PLAAT2: variants seen among roughly 807,000 people sequenced by gnomAD.
The protein encoded by PLAAT2 is HRAS like suppressor 2.
In PLAAT2, 12 loss-of-function variants were observed where a neutral mutation model predicts 12.8. The ratio of observed to expected loss-of-function variants is 0.94; its 90% CI spans 0.60 to 1.52. PLAAT2 has a LOEUF of 1.52. Among genes scored for constraint, PLAAT2 ranks in the 40% most tolerant of loss-of-function variants. The pLI is 0.00. For missense variants in PLAAT2, 166 were observed against 208.1 expected (o/e 0.80, Z 1.24); for synonymous variants, 79 against 86.8 (o/e 0.91, Z 0.50).
upstream of PLAAT2, among the ~76,000 whole-genome samples, chr11:63,563,997 A>G (rs928904168): frequency 9.9e-5 from 15 of 152,166 alleles, no homozygotes; most frequent in Admixed American, 3.3e-4. Flanking sequence ...GAAAATTTCA[A>G]AAAGGAGAGA....
chr11:63,563,285 C>G (rs1390205150), intron 1 of PLAAT2, 31 bp downstream of exon 1: 1 of 1,613,774 alleles, frequency 6.2e-7, no homozygotes, highest in Non-Finnish European at 8.5e-7. Flanking sequence ...TTCCTCAAAT[C>G]AAAGCTTTAA....
chr11:63,559,939 T>C (rs886411643), intron 2 of PLAAT2, 146 bp downstream of exon 2: 9 of 586,630 alleles, frequency 1.5e-5, no homozygotes, highest in Middle Eastern at 2.8e-4. Context: ...AGTTGCTACA[T>C]CTAGCAGGAA....
intron 2 of PLAAT2, among the ~76,000 whole-genome samples, chr11:63,559,470 C>T (rs191632123): frequency 2.6e-5 from 4 of 152,158 alleles, no homozygotes; most frequent in Admixed American, 6.5e-5. Context: ...GGCTCTCTTA[C>T]TGTGTGTCTT....
chr11:63,558,404 G>C lies in PLAAT2; in HGVS notation c.375C>G (p.Ser125=). The C allele has an allele frequency of 6.2e-7, 1 of 1,614,156 alleles. No individual in the cohort carries two copies. The highest frequency in any genetic ancestry group is 8.5e-7 in the Non-Finnish European group (1 of 1,180,006). Residue 125 remains serine (S), a synonymous_variant, in exon 3 of 4, where the codon TCC becomes TCG. Transcript: ENST00000255695. ...HFVNHLRYGV[S]RSDQVTGAVT... is the part of the protein sequence containing the mutation. ...GCTGAAGATGCACCTGGTCACTGCGGGAGACGCCATAGCGCAGATGGTTCA... is the reference window on the plus strand; with the variant it reads ...GCTGAAGATGCACCTGGTCACTGCGCGAGACGCCATAGCGCAGATGGTTCA...
Position 63,554,470 on chromosome 11 carries a change from T to TA in PLAAT2, c.388-1406dup, listed in dbSNP as rs199986877. On this transcript the variant is annotated intron_variant, in intron 3 of 3. Coordinates refer to ENST00000255695, the MANE Select transcript of PLAAT2 (RefSeq NM_017878.2). ...AACATGGTGAGACCCCCGTCTCCAC[T>TA]AAAAAAAATTAGCCAGGCATGGTGG... 2.7e-3 allele frequency among the ~76,000 whole-genome samples: 406 copies of TA among 151,372 alleles called. 1 individual carries two copies. Among genetic ancestry groups the TA allele is most frequent in the African/African-American group, 9.4e-3 (389 of 41,262 alleles).
chr11:63,557,300 G>T (rs904833936), intron 3 of PLAAT2, among the ~76,000 whole-genome samples: 3 of 152,096 alleles, frequency 2.0e-5, no homozygotes, highest in Non-Finnish European at 4.4e-5. Context: ...CCGAGTCAAG[G>T]GGATTGCTTG....
chr11:63,563,179 G>C (rs2017533562), intron 1 of PLAAT2, 137 bp downstream of exon 1: 2 of 985,440 alleles, frequency 2.0e-6, no homozygotes, highest in Non-Finnish European at 3.1e-6. Context: ...GTCTGAGAGA[G>C]CCAGACCCCC....
chr11:63,555,035 C>G (rs940285460), intron 3 of PLAAT2, among the ~76,000 whole-genome samples: 1 of 152,090 alleles, frequency 6.6e-6, no homozygotes, highest in South Asian at 2.1e-4. Context: ...GACGGGTGAG[C>G]GAGGGCTCAT....
At chr11:63,560,479 C>T (rs985998570) in intron 1 of PLAAT2, among the ~76,000 whole-genome samples, 2 of 152,154 alleles carry the variant, frequency 1.3e-5, no homozygotes, top group African/African-American at 2.4e-5. Context: ...GTGATGTGCC[C>T]AGGCTGAGTG....
intron 1 of PLAAT2, among the ~76,000 whole-genome samples, chr11:63,561,425 C>T (rs2017517273): frequency 6.6e-6 from 1 of 151,998 alleles, no homozygotes; most frequent in South Asian, 2.1e-4. Context: ...GGGTGGATTG[C>T]CTGAGGTCAG....
chr11:63,553,059 C>A lies in PLAAT2; in HGVS notation c.394G>T (p.Gly132Cys), dbSNP rs1424660553. ...YGVSRSDQVTGAVTTVGVAAG... is the reference protein window; with the variant it reads ...YGVSRSDQVTCAVTTVGVAAG... ...GCCACACCTACTGTCGTGACTGCAC[C>A]AGTGACCTGCAGCAGAAGAGAAGGG... Residue 132 changes from glycine (G) to cysteine (C), a missense_variant, in exon 4 of 4, where the codon GGT becomes TGT. Gly to Cys is a radical substitution (Grantham distance 159). Transcript: ENST00000255695. The A allele has an allele frequency of 1.4e-5, 22 of 1,609,830 alleles. No individual in the cohort carries two copies. The highest frequency in any genetic ancestry group is 1.8e-5 in the Non-Finnish European group (21 of 1,176,682).
intron 3 of PLAAT2, among the ~76,000 whole-genome samples, chr11:63,554,153 G>T (rs1243274908): frequency 8.0e-6 from 1 of 124,474 alleles, no homozygotes. Context: ...GAGCGACTGG[G>T]GGAAACAACA....
chr11:63,562,868 C>A (rs2017530746), intron 1 of PLAAT2, among the ~76,000 whole-genome samples: 2 of 152,162 alleles, frequency 1.3e-5, no homozygotes, highest in East Asian at 1.9e-4. Flanking sequence ...TTTCTGACAG[C>A]CCCCATTGCC....
At chr11:63,557,996 C>A (rs2017480736) in intron 3 of PLAAT2, among the ~76,000 whole-genome samples, 1 of 152,184 alleles carries the variant, frequency 6.6e-6, no homozygotes, top group African/African-American at 2.4e-5. Flanking sequence ...TTAACTCCCC[C>A]GCTCTTCACC....
intron 2 of PLAAT2, 108 bp from the exon 3 acceptor site, chr11:63,558,768 G>A (rs893564378): frequency 7.4e-7 from 1 of 1,352,276 alleles, no homozygotes; most frequent in East Asian, 2.3e-5. Context: ...GCTGTGGAAG[G>A]ACTTGTCCAT....
At chr11:63,557,598 C>G (rs908345775) in intron 3 of PLAAT2, among the ~76,000 whole-genome samples, 52 of 151,970 alleles carry the variant, frequency 3.4e-4, no homozygotes, top group African/African-American at 1.2e-3. Context: ...TGGGTCAAAT[C>G]CAACCTGTGA....
At chr11:63,559,995 A>C in intron 2 of PLAAT2, 90 bp downstream of exon 2, 5 of 842,634 alleles carry the variant, frequency 5.9e-6, no homozygotes, top group Non-Finnish European at 9.7e-6. Context: ...CTACTCTGCT[A>C]GACCCTGAAG....
At chr11:63,556,884 T>A (rs115200344) in intron 3 of PLAAT2, among the ~76,000 whole-genome samples, 4,305 of 152,250 alleles carry the variant, frequency 0.028, 198 homozygotes, top group African/African-American at 0.099. Context: ...GCCTCATCTG[T>A]CTGCTGCTTT....
intron 1 of PLAAT2, among the ~76,000 whole-genome samples, chr11:63,561,179 A>G (rs889076288): frequency 1.3e-5 from 2 of 152,192 alleles, no homozygotes; most frequent in Admixed American, 6.5e-5. Context: ...AGTAATTTGG[A>G]TGGAATTGGA....
Sources: gnomAD v4.1 joint callset for allele counts (sites outside exome capture counted in the v4.1 genomes callset) on GRCh38, gnomAD v4.1.1 for gene constraint, MANE v1.5 for transcripts, NCBI Gene and HGNC (gene_info 2026-07-23, HGNC 2026-07-21) for gene names.